PPP1R13B: variants seen among roughly 807,000 people sequenced by gnomAD.
PPP1R13B encodes the protein protein phosphatase 1 regulatory subunit 13B.
In PPP1R13B, 44 loss-of-function variants were observed where a neutral mutation model predicts 119.8. The ratio of observed to expected loss-of-function variants is 0.37; its 90% CI spans 0.29 to 0.47. The LOEUF is 0.47. PPP1R13B is among the 20% of genes least tolerant of loss of function. The pLI, the probability that PPP1R13B is intolerant of heterozygous loss-of-function variation, is 0.99. For missense variants in PPP1R13B, 1,227 were observed against 1,413.5 expected (o/e 0.87, Z 2.12); for synonymous variants, 542 against 561.5 (o/e 0.97, Z 0.49).
intron 2 of PPP1R13B, among the ~76,000 whole-genome samples, chr14:103,788,065 A>C (rs2085514313): frequency 1.3e-5 from 2 of 151,450 alleles, no homozygotes; most frequent in Admixed American, 1.3e-4. Context: ...GTAAGCCATG[A>C]CTGCACAATG....
At chr14:103,808,218 C>T (rs939910275) in intron 1 of PPP1R13B, among the ~76,000 whole-genome samples, 5 of 150,688 alleles carry the variant, frequency 3.3e-5, no homozygotes, top group East Asian at 2.0e-4. Context: ...CACGCCAGCC[C>T]GGGCGACAGT....
intron 1 of PPP1R13B, among the ~76,000 whole-genome samples, chr14:103,824,599 G>A (rs551792819): frequency 6.6e-6 from 1 of 151,786 alleles, no homozygotes; most frequent in Admixed American, 6.6e-5. Context: ...TGGAGGCTGA[G>A]GCACGAGAAT....
chr14:103,788,345 A>AGT (rs2085522065), intron 2 of PPP1R13B, among the ~76,000 whole-genome samples: 1 of 152,174 alleles, frequency 6.6e-6, no homozygotes, highest in African/African-American at 2.4e-5. Context: ...ATCTGTGTTG[A>AGT]ACATTCCAAA....
At position 103,847,542 on chromosome 14, in the gene PPP1R13B, C is replaced by T. The variant is rs1337756800; in HGVS notation, c.-235G>A. ...CGGCCGCCGCCGCCGCCGCCTCAACCTCAGCCTCAGCCTCAGCCCCAGCCC... is the reference window on the plus strand; with the variant it reads ...CGGCCGCCGCCGCCGCCGCCTCAACTTCAGCCTCAGCCTCAGCCCCAGCCC... On this transcript the variant is annotated 5_prime_UTR_variant, in exon 1 of 17. Coordinates refer to ENST00000202556, the MANE Select transcript of PPP1R13B (RefSeq NM_015316.3). 3 of 985,200 alleles carry T rather than the reference C, an allele frequency of 3.0e-6. No homozygotes were observed. In the African/African-American group the frequency reaches 5.3e-5, roughly 17 times the overall value. 61.0% of individuals were successfully genotyped at this position (985,200 alleles called of 1,614,324 possible). A position where few individuals can be genotyped will look rare whatever the true frequency, so the allele number is the denominator to read the frequency against.
At chr14:103,788,029 C>T (rs1392211530) in intron 2 of PPP1R13B, among the ~76,000 whole-genome samples, 1 of 151,656 alleles carries the variant, frequency 6.6e-6, no homozygotes. Flanking sequence ...AGGAGGATTG[C>T]TTGAGCCCAG....
At position 103,784,858 on chromosome 14, in the gene PPP1R13B, G is replaced by A. The variant is rs772045392; in HGVS notation, c.214C>T (p.Arg72Trp). ...MYEHLQKWGPRREEVKFFLRH... is the reference protein window; with the variant it reads ...MYEHLQKWGPWREEVKFFLRH... ...AGGAAAAATTTCACTTCTTCCCTCC[G>A]TGGACCCCATTTCTGAAGATGTTCG... The change falls in exon 3 of 17, where the codon CGG (arginine) becomes TGG (tryptophan). Residue 72 changes from arginine (R) to tryptophan (W), a missense_variant. Arg to Trp is a moderately radical substitution (Grantham distance 101, BLOSUM62 -3). Coordinates refer to ENST00000202556, the MANE Select transcript of PPP1R13B (RefSeq NM_015316.3). 10 of 1,606,592 alleles carry A rather than the reference G, an allele frequency of 6.2e-6. No homozygotes were observed. The highest frequency in any genetic ancestry group is 1.7e-5 in the Admixed American group (1 of 59,908).
intron 1 of PPP1R13B, among the ~76,000 whole-genome samples, chr14:103,827,331 A>G (rs2086571892): frequency 6.6e-6 from 1 of 151,844 alleles, no homozygotes; most frequent in East Asian, 1.9e-4. Flanking sequence ...GCGAGACTCC[A>G]AAAAAAAGAC....
chr14:103,739,289 A>G (rs898851746), intron 12 of PPP1R13B: 5 of 451,128 alleles, frequency 1.1e-5, no homozygotes, highest in Non-Finnish European at 2.0e-5. Context: ...GCTTCTGGCC[A>G]CTCCTCGGAA....
intron 2 of PPP1R13B, among the ~76,000 whole-genome samples, chr14:103,789,451 A>G (rs2085559541): frequency 6.6e-6 from 1 of 152,022 alleles, no homozygotes; most frequent in African/African-American, 2.4e-5. Context: ...CCTGACCTCA[A>G]GTGATCTCCC....
intron 1 of PPP1R13B, among the ~76,000 whole-genome samples, chr14:103,820,580 C>T (rs1366874552): frequency 6.6e-6 from 1 of 151,212 alleles, no homozygotes; most frequent in South Asian, 2.1e-4. Flanking sequence ...CCTCAACTTC[C>T]TAGGCTCAAA....
chr14:103,802,715 T>A (rs879849528), intron 1 of PPP1R13B, among the ~76,000 whole-genome samples: 1 of 152,162 alleles, frequency 6.6e-6, no homozygotes, highest in Non-Finnish European at 1.5e-5. Context: ...CATTTTGGGG[T>A]ACCTTCTGAA....
intron 4 of PPP1R13B, among the ~76,000 whole-genome samples, chr14:103,765,628 A>G (rs2084919716): frequency 6.6e-6 from 1 of 152,164 alleles, no homozygotes; most frequent in African/African-American, 2.4e-5. Context: ...TCTAGAACCA[A>G]CACTTTCCTG....
At position 103,740,975 on chromosome 14, in the gene PPP1R13B, C is replaced by T. The variant is rs1193361415; in HGVS notation, c.1823-382G>A. 6.6e-6 allele frequency among the ~76,000 whole-genome samples: 1 copy of T among 152,238 alleles called. No individual in the cohort carries two copies. Among genetic ancestry groups the T allele is most frequent in the Non-Finnish European group, 1.5e-5 (1 of 68,038 alleles). On this transcript the variant is annotated intron_variant, in intron 11 of 16. Transcript: ENST00000202556. This position sits in a 1 kb window ranked among gnomAD's most constrained non-coding sequence, Gnocchi z 4.6. ...TGGACTAACTCACATGACGGAGACA[C>T]ACGCGCCTCCTCAGAGCAGGAAGGT...
chr14:103,749,202 C>T (rs2084475725), intron 8 of PPP1R13B, among the ~76,000 whole-genome samples: 4 of 152,056 alleles, frequency 2.6e-5, no homozygotes, highest in Admixed American at 2.6e-4. Flanking sequence ...ATTATTTTTT[C>T]ATTGAGTATT....
chr14:103,787,756 C>T lies in PPP1R13B; in HGVS notation c.158-2842G>A, dbSNP rs562886907. 4.6e-5 allele frequency among the ~76,000 whole-genome samples: 7 copies of T among 151,470 alleles called. No homozygotes were observed. The East Asian group carries it at 7.9e-4, about 17-fold the overall frequency. ...CAAGCTCCACCTCCCGGGTTTTACG[C>T]CATTCTCCTGCCTCAGCCTCCCGAA... is the stretch of plus-strand genomic sequence containing the variant. On this transcript the variant is annotated intron_variant, in intron 2 of 16. Transcript: ENST00000202556.
rs367796763 is a variant in PPP1R13B at position 103,754,093 on chromosome 14, C to T, written c.608G>A (p.Ser203Asn). ...IRAMRGQVDY[S>N]KIMNGNLSAE... The stretch of plus-strand genomic sequence containing the variant: ...ACACAGATTGCCGTTCATGATTTTG[C>T]TGTAGTCGACTTGTCCTCTCATTGC... Residue 203 changes from serine (S) to asparagine (N), a missense_variant, in exon 6 of 17, where the codon AGC becomes AAC. Ser to Asn is a conservative substitution (Grantham distance 46). Coordinates refer to ENST00000202556, the MANE Select transcript of PPP1R13B (RefSeq NM_015316.3). 21 of 1,613,870 alleles carry T rather than the reference C, an allele frequency of 1.3e-5. No individual in the cohort carries two copies. Among genetic ancestry groups the T allele is most frequent in the Admixed American group, 1.7e-5 (1 of 59,956 alleles).
Position 103,778,819 on chromosome 14 carries a change from C to T in PPP1R13B, c.280G>A (p.Gly94Ser), listed in dbSNP as rs2085271727. 5 of 1,613,442 alleles carry T rather than the reference C, an allele frequency of 3.1e-6. No homozygotes were observed. In the South Asian group the frequency reaches 5.5e-5, roughly 18 times the overall value. Reference sequence around the variant, plus strand: ...GTTCGTTGCTCTTGGGTCTGACGGCCACCTAAAGAAATAAAAGAACCAAAC... The same window carrying T: ...GTTCGTTGCTCTTGGGTCTGACGGCTACCTAAAGAAATAAAAGAACCAAAC... ...DSPTENSEQG[G>S]RQTQEQRTQR... Residue 94 changes from glycine (G) to serine (S), a missense_variant and splice_region_variant, in exon 4 of 17, where the codon GGC becomes AGC. Coordinates refer to ENST00000202556, the MANE Select transcript of PPP1R13B (RefSeq NM_015316.3).
intron 1 of PPP1R13B, among the ~76,000 whole-genome samples, chr14:103,828,559 C>G (rs573717093): frequency 6.6e-6 from 1 of 152,244 alleles, no homozygotes; most frequent in African/African-American, 2.4e-5. Context: ...TTGGAGCAGA[C>G]ACAGAGAAAG....
Position 103,746,553 on chromosome 14 carries a change from G to A in PPP1R13B, c.970C>T (p.Leu324=), listed in dbSNP as rs745565081. 2 of 1,578,004 alleles carry A rather than the reference G, an allele frequency of 1.3e-6. No homozygotes were observed. Among genetic ancestry groups the A allele is most frequent in the Admixed American group, 1.8e-5 (1 of 55,874 alleles). The change falls in exon 9 of 17, where the codon CTG becomes TTG. Residue 324 remains leucine (L), a splice_region_variant and synonymous_variant. Transcript: ENST00000202556. ...RERLYGKKIQ[L]NRVNGTSSPQ... is the part of the protein sequence containing the mutation. ...GATGACGTGCCATTCACACGGTTCA[G>A]CTACAAATTGGGAAGAAATGAGAGT...
Sources: allele counts gnomAD v4.1 joint callset (sites outside exome capture counted in the v4.1 genomes callset), GRCh38; gene constraint gnomAD v4.1.1; non-coding constraint Gnocchi (gnomAD v3.1); transcripts MANE v1.5; gene names NCBI Gene and HGNC (gene_info 2026-07-23, HGNC 2026-07-21).